The following CRYBG1 variants were observed in gnomAD, a reference collection of about 807,000 sequenced individuals.
CRYBG1 encodes crystallin beta-gamma domain containing 1.
In CRYBG1, 139 loss-of-function variants were observed where a neutral mutation model predicts 189.2. The ratio of observed to expected loss-of-function variants is 0.73; its 90% CI spans 0.64 to 0.85. The LOEUF is 0.85. Ranked by LOEUF, CRYBG1 falls within the 40% of genes least tolerant of loss-of-function variation. The probability of loss-of-function intolerance (pLI) is 0.00; values close to 1 mark genes in which losing one functional copy is unlikely to be tolerated. For missense variants in CRYBG1, 2,611 were observed against 2,675.8 expected (o/e 0.98, Z 0.53); for synonymous variants, 1,023 against 1,017.1 (o/e 1.01, Z -0.11).
chr6:106,571,918 G>T lies in CRYBG1; in HGVS notation c.*3352G>T. The stretch of plus-strand genomic sequence containing the variant: ...ATCTAATCTGGAAAAATGTTTGAAA[G>T]GGATGGCTAGAAAAAAATTTGGGCT... On this transcript the variant is annotated 3_prime_UTR_variant, in exon 22 of 22. Coordinates refer to ENST00000633556, the MANE Select transcript of CRYBG1 (RefSeq NM_001371242.2). 1.1e-6 allele frequency: 1 copy of T among 879,158 alleles called. No individual in the cohort carries two copies. The highest frequency in any genetic ancestry group is 1.4e-5 in the South Asian group (1 of 70,696). The allele number at this position is 879,158 out of a possible 1,614,324, so 54.5% of individuals were successfully genotyped here. A position where few individuals can be genotyped will look rare whatever the true frequency, so the allele number is the denominator to read the frequency against.
At chr6:106,471,085 GT>G (rs1648642454) in intron 2 of CRYBG1, among the ~76,000 whole-genome samples, 2 of 152,206 alleles carry the variant, frequency 1.3e-5, no homozygotes, top group African/African-American at 4.8e-5. Flanking sequence ...GGAGACTGCT[GT>G]CTGTTTGGCA....
intron 9 of CRYBG1, 128 bp downstream of exon 9, chr6:106,539,657 G>T: frequency 1.0e-6 from 1 of 959,096 alleles, no homozygotes. Flanking sequence ...TGGACCTATT[G>T]CTCAATAGAA....
chr6:106,437,241 T>C (rs73509281), intron 1 of CRYBG1, among the ~76,000 whole-genome samples: 1,645 of 152,330 alleles, frequency 0.011, 27 homozygotes, highest in African/African-American at 0.038. Flanking sequence ...TCATTTCCCT[T>C]GTTCATCTCA....
At chr6:106,371,283 T>A (rs1361878906) in intron 1 of CRYBG1, among the ~76,000 whole-genome samples, 1 of 152,242 alleles carries the variant, frequency 6.6e-6, no homozygotes, top group African/African-American at 2.4e-5. Flanking sequence ...CTGCTATTAG[T>A]AAAAGGTATG....
chr6:106,570,757 T>A lies in CRYBG1; in HGVS notation c.*2191T>A, dbSNP rs1000803438. ...TGGTATTTACACCTGGAAAATCAGA[T>A]TTTTTTTTCTTTTGCAATAACTCGG... On this transcript the variant is annotated 3_prime_UTR_variant, in exon 22 of 22. Transcript: ENST00000633556. 6.6e-6 allele frequency: 1 copy of A among 151,626 alleles called. No homozygotes were observed. Among genetic ancestry groups the A allele is most frequent in the African/African-American group, 2.4e-5 (1 of 41,274 alleles). 9.4% of individuals were successfully genotyped at this position (151,626 alleles called of 1,614,324 possible). A position where few individuals can be genotyped will look rare whatever the true frequency, so the allele number is the denominator to read the frequency against.
chr6:106,492,914 T>A (rs144300622), intron 2 of CRYBG1, among the ~76,000 whole-genome samples: 1 of 152,216 alleles, frequency 6.6e-6, no homozygotes, highest in Non-Finnish European at 1.5e-5. Context: ...GTAAATATAG[T>A]CATGGTAGGC....
intron 3 of CRYBG1, among the ~76,000 whole-genome samples, chr6:106,514,787 A>G (rs1773380750): frequency 6.6e-6 from 1 of 152,280 alleles, no homozygotes; most frequent in Non-Finnish European, 1.5e-5. Context: ...TCTCTGTAAT[A>G]GAACTAAACC....
At position 106,371,322 on chromosome 6, in the gene CRYBG1, C is replaced by A. The variant is rs367606526; in HGVS notation, c.173+10241C>A. ...GTTGAAGCAACTGTTGACATTCACA[C>A]TGAAATTCAATGTCTCCTTTATCAT... is the stretch of plus-strand genomic sequence containing the variant. On this transcript the variant is annotated intron_variant, in intron 1 of 21. Transcript: ENST00000633556. Among the ~76,000 whole-genome samples the A allele has an allele frequency of 6.0e-4, 91 of 152,342 alleles. 1 individual carries two copies. Among genetic ancestry groups the A allele is most frequent in the African/African-American group, 2.2e-3 (90 of 41,578 alleles).
At chr6:106,456,968 G>A (rs1342086340) in intron 2 of CRYBG1, among the ~76,000 whole-genome samples, 1 of 152,048 alleles carries the variant, frequency 6.6e-6, no homozygotes, top group Non-Finnish European at 1.5e-5. Flanking sequence ...AGTCACCTAG[G>A]CTGCTAATCT....
chr6:106,377,718 T>C (rs890636508), intron 1 of CRYBG1, among the ~76,000 whole-genome samples: 1 of 151,644 alleles, frequency 6.6e-6, no homozygotes, highest in Non-Finnish European at 1.5e-5. Context: ...AATATGTCTT[T>C]GCTGATCAGA....
At chr6:106,546,989 C>T (rs1774278316) in intron 13 of CRYBG1, among the ~76,000 whole-genome samples, 1 of 152,158 alleles carries the variant, frequency 6.6e-6, no homozygotes, top group Admixed American at 6.5e-5. Flanking sequence ...ATTATTGTGC[C>T]TTGAGCCAAT....
intron 1 of CRYBG1, among the ~76,000 whole-genome samples, chr6:106,406,997 A>G (rs1245594021): frequency 6.6e-6 from 1 of 152,252 alleles, no homozygotes; most frequent in Non-Finnish European, 1.5e-5. Context: ...ATAACCAGCT[A>G]GCATTGTAAT....
chr6:106,418,447 T>C (rs564670383), intron 1 of CRYBG1, among the ~76,000 whole-genome samples: 1 of 152,364 alleles, frequency 6.6e-6, no homozygotes, highest in South Asian at 2.1e-4. Context: ...CACCCCTATC[T>C]GCCTAGGCAT....
chr6:106,373,721 G>C (rs1225512650), intron 1 of CRYBG1, among the ~76,000 whole-genome samples: 2 of 152,156 alleles, frequency 1.3e-5, no homozygotes. Flanking sequence ...CATTTTACCA[G>C]ACTGGAAATT....
At chr6:106,430,289 T>G (rs1771300782) in intron 1 of CRYBG1, among the ~76,000 whole-genome samples, 1 of 152,118 alleles carries the variant, frequency 6.6e-6, no homozygotes, top group African/African-American at 2.4e-5. Context: ...AAAAATTAGC[T>G]GGATGCAGTG....
rs529162204 is a variant in CRYBG1 at position 106,360,942 on chromosome 6, G to A, written c.34G>A (p.Gly12Arg). ...GTCCCCGCCAGCCCAGGGCGACCCCGGGGAGCCCAGCCCGTGCAGGCCCCC... is the reference window on the plus strand; with the variant it reads ...GTCCCCGCCAGCCCAGGGCGACCCCAGGGAGCCCAGCCCGTGCAGGCCCCC... ...PLSPPAQGDP[G>R]EPSPCRPPKK... is the part of the protein sequence containing the mutation. Residue 12 changes from glycine to arginine, a missense_variant, in exon 1 of 22, where the codon GGG (glycine) becomes AGG (arginine). Around this residue, in one of 3 missense-constraint regions of CRYBG1, gnomAD observed 985 missense variants for 924.4 expected, o/e 1.07. Coordinates refer to ENST00000633556, the MANE Select transcript of CRYBG1 (RefSeq NM_001371242.2). 439 of 1,534,824 alleles carry A rather than the reference G, an allele frequency of 2.9e-4. 2 individuals are homozygous for A. The African/African-American group carries it at 4.7e-3, about 16-fold the overall frequency.
Position 106,520,038 on chromosome 6 carries a change from G to T in CRYBG1, c.2830G>T (p.Ala944Ser). 6.2e-7 allele frequency: 1 copy of T among 1,614,206 alleles called. No individual in the cohort carries two copies. The highest frequency in any genetic ancestry group is 8.5e-7 in the Non-Finnish European group (1 of 1,180,026). ...TTTGTCCACAGAGCGTAGTCCAGAAGCTGTGGGAAGTGAGTGTCCATCCAG... is the reference window on the plus strand; with the variant it reads ...TTTGTCCACAGAGCGTAGTCCAGAATCTGTGGGAAGTGAGTGTCCATCCAG... ...PPLSTERSPE[A>S]VGSECPSRVL... Residue 944 changes from alanine (A) to serine (S), a missense_variant, in exon 4 of 22, where the codon GCT becomes TCT. Around this residue, in one of 3 missense-constraint regions of CRYBG1, gnomAD observed 1,622 missense variants for 1,735.0 expected, o/e 0.93. Transcript: ENST00000633556.
At chr6:106,543,992 C>T (rs938280821) in intron 11 of CRYBG1, among the ~76,000 whole-genome samples, 3 of 152,178 alleles carry the variant, frequency 2.0e-5, no homozygotes, top group Non-Finnish European at 2.9e-5. Context: ...GCAAAGGCTG[C>T]GGTGAGCCAA....
chr6:106,385,996 A>G (rs557375411), intron 1 of CRYBG1, among the ~76,000 whole-genome samples: 35 of 152,244 alleles, frequency 2.3e-4, no homozygotes, highest in African/African-American at 8.4e-4. Context: ...CAAAACAACA[A>G]CAACAACAAA....
Sources: allele counts gnomAD v4.1 joint callset (sites outside exome capture counted in the v4.1 genomes callset), GRCh38; gene constraint gnomAD v4.1.1; regional missense constraint gnomAD v4.1.1; transcripts MANE v1.5; gene names NCBI Gene and HGNC (gene_info 2026-07-23, HGNC 2026-07-21).